Variants in NEK4 observed in about 807,000 individuals in gnomAD.
The protein encoded by NEK4 is NIMA related kinase 4, also known as serine/threonine-protein kinase Nek4.
NEK4 carries 86 observed loss-of-function variants against 98.4 expected under a neutral mutation model. The observed-to-expected ratio is 0.87, with a 90% CI of 0.73 to 1.05. The LOEUF is 1.05. Ranked by LOEUF, NEK4 falls within the 50% of genes least tolerant of loss-of-function variation. The pLI is 0.00. For synonymous variants in NEK4, 328 were observed against 342.2 expected (o/e 0.96, Z 0.46); for missense variants, 898 against 950.3 (o/e 0.94, Z 0.72).
chr3:52,712,840 T>G (rs533580244), intron 15 of NEK4, among the ~76,000 whole-genome samples: 32 of 152,296 alleles, frequency 2.1e-4, no homozygotes, highest in South Asian at 1.0e-3. Flanking sequence ...TGCTTGTGTC[T>G]TCTTCTGCTA....
At chr3:52,759,281 G>A (rs1698258491) in intron 6 of NEK4, among the ~76,000 whole-genome samples, 1 of 151,778 alleles carries the variant, frequency 6.6e-6, no homozygotes, top group Non-Finnish European at 1.5e-5. Context: ...GCATGCTGTG[G>A]TCCCAGCTAC....
intron 6 of NEK4, among the ~76,000 whole-genome samples, chr3:52,757,513 G>A (rs984288276): frequency 9.3e-5 from 14 of 150,262 alleles, no homozygotes; most frequent in Non-Finnish European, 2.1e-4. Flanking sequence ...AGCCACGATT[G>A]TGCCACTGCG....
At chr3:52,730,608 C>T (rs10780035) in intron 15 of NEK4, among the ~76,000 whole-genome samples, 51,507 of 151,962 alleles carry the variant, frequency 0.34, 9,735 homozygotes, top group Admixed American at 0.46. Flanking sequence ...TATTTTTTCA[C>T]GTAGTGTCCT....
chr3:52,761,973 T>C (rs991718781), intron 5 of NEK4, among the ~76,000 whole-genome samples: 2 of 152,214 alleles, frequency 1.3e-5, no homozygotes, highest in South Asian at 2.1e-4. Context: ...AAGAGGAGCA[T>C]GGAGATCAGT....
At position 52,734,882 on chromosome 3, in the gene NEK4, A is replaced by G. The variant is rs141368627; in HGVS notation, c.2433+2704T>C. 2.5e-3 allele frequency: 647 copies of G among 259,516 alleles called. 3 individuals are homozygous for G. Among genetic ancestry groups the G allele is most frequent in the Non-Finnish European group, 4.1e-3 (542 of 132,848 alleles). The allele number at this position is 259,516 out of a possible 1,614,324, so 16.1% of individuals were successfully genotyped here. A position where few individuals can be genotyped will look rare whatever the true frequency, so the allele number is the denominator to read the frequency against. ...CAAGAGACTAAAGGCTTGTGAACTGAAACAAAGCCAGTCTTAGAATATTAC... is the reference window on the plus strand; with the variant it reads ...CAAGAGACTAAAGGCTTGTGAACTGGAACAAAGCCAGTCTTAGAATATTAC... On this transcript the variant is annotated intron_variant, in intron 15 of 15. Transcript: ENST00000233027.
At chr3:52,748,589 T>C (rs758214661) in intron 8 of NEK4, among the ~76,000 whole-genome samples, 5 of 152,226 alleles carry the variant, frequency 3.3e-5, no homozygotes, top group African/African-American at 7.2e-5. Flanking sequence ...ATCAGTTATT[T>C]GGATGTACCC....
chr3:52,770,604 G>C (rs1300846495), intron 1 of NEK4, 50 bp downstream of exon 1: 5 of 1,435,850 alleles, frequency 3.5e-6, no homozygotes, highest in Admixed American at 2.0e-5. Flanking sequence ...CGGCGCCCTC[G>C]GCGCACTTCT....
intron 6 of NEK4, among the ~76,000 whole-genome samples, chr3:52,755,895 C>T (rs1390662053): frequency 6.6e-6 from 1 of 151,966 alleles, no homozygotes; most frequent in Non-Finnish European, 1.5e-5. Context: ...TATACACTAA[C>T]AATAAACAAT....
Position 52,710,049 on chromosome 3 carries a change from A to G in NEK4, c.*1728T>C, listed in dbSNP as rs1226152379. The G allele has an allele frequency of 6.6e-6, 1 of 152,238 alleles. No homozygotes were observed. The highest frequency in any genetic ancestry group is 1.5e-5 in the Non-Finnish European group (1 of 68,086). 9.4% of individuals were successfully genotyped at this position (152,238 alleles called of 1,614,324 possible). On this transcript the variant is annotated 3_prime_UTR_variant, in exon 16 of 16. Coordinates refer to ENST00000233027, the MANE Select transcript of NEK4 (RefSeq NM_003157.6). ...CAGCTCCTGGCAGAGAACCTGGCAC[A>G]CAGTAAACTCTAAATAAAAATCTGT...
Position 52,744,309 on chromosome 3 carries a change from T to G in NEK4, c.1828-4A>C, listed in dbSNP as rs758175605. 6.2e-7 allele frequency: 1 copy of G among 1,611,296 alleles called. No homozygotes were observed. The highest frequency in any genetic ancestry group is 8.5e-7 in the Non-Finnish European group (1 of 1,177,464). On this transcript the variant is annotated splice_region_variant and splice_polypyrimidine_tract_variant and intron_variant, in intron 10 of 15. Coordinates refer to ENST00000233027, the MANE Select transcript of NEK4 (RefSeq NM_003157.6). ...CTCTGGCTGATAATGGTCGATCCTT[T>G]AAAAGAAAGTCACAGAGTCACTTCC...
chr3:52,729,940 T>G (rs2097368035), intron 15 of NEK4, among the ~76,000 whole-genome samples: 2 of 151,608 alleles, frequency 1.3e-5, no homozygotes, highest in South Asian at 4.2e-4. Context: ...AAACCCCATC[T>G]CTACTAAAAA....
chr3:52,733,713 G>T, intron 15 of NEK4: 1 of 444,018 alleles, frequency 2.3e-6, no homozygotes. Flanking sequence ...AAGGTCTTCG[G>T]ACACAAGTTA....
chr3:52,754,609 T>A lies in NEK4; in HGVS notation c.964-2273A>T, dbSNP rs1361187357. 4.3e-6 allele frequency: 4 copies of A among 935,536 alleles called. No individual in the cohort carries two copies. The African/African-American group carries it at 6.5e-5, about 15-fold the overall frequency. 58.0% of individuals were successfully genotyped at this position (935,536 alleles called of 1,614,324 possible). ...CAGAAAAGCCTGAAGAACAGCACAA[T>A]AAGTGTACGTGTCGCCGGCCTGTCA... On this transcript the variant is annotated intron_variant, in intron 6 of 15. Coordinates refer to ENST00000233027, the MANE Select transcript of NEK4 (RefSeq NM_003157.6).
At chr3:52,750,826 G>A (rs1293818494) in intron 7 of NEK4, among the ~76,000 whole-genome samples, 1 of 152,108 alleles carries the variant, frequency 6.6e-6, no homozygotes, top group Non-Finnish European at 1.5e-5. Flanking sequence ...AGCTACTCAG[G>A]AGGCTGAGGC....
chr3:52,751,854 C>A lies in NEK4; in HGVS notation c.1368+78G>T, dbSNP rs1029088033. 17 of 1,355,528 alleles carry A rather than the reference C, an allele frequency of 1.3e-5. No homozygotes were observed. In the African/African-American group the frequency reaches 2.3e-4, roughly 19 times the overall value. The allele number at this position is 1,355,528 out of a possible 1,614,324, so 84.0% of individuals were successfully genotyped here. The stretch of plus-strand genomic sequence containing the variant: ...AGAATTACTGATTTTCCTAAAATGA[C>A]AACAGAACCCACATATTTGTAACTG... On this transcript the variant is annotated intron_variant, in intron 7 of 15. Transcript: ENST00000233027.
In NEK4 at chr3:52,709,204, T is replaced by C. The variant is rs2097347844; in HGVS notation, c.*2573A>G. Reference sequence around the variant, plus strand: ...CTCAAAAAAAAAAAAAAAAGAATGATTGACATTTTAGAACCAATGCCAAAA... The same window carrying C: ...CTCAAAAAAAAAAAAAAAAGAATGACTGACATTTTAGAACCAATGCCAAAA... On this transcript the variant is annotated 3_prime_UTR_variant, in exon 16 of 16. Coordinates refer to ENST00000233027, the MANE Select transcript of NEK4 (RefSeq NM_003157.6). 1.3e-5 allele frequency: 2 copies of C among 148,654 alleles called. No homozygotes were observed. The highest frequency in any genetic ancestry group is 2.0e-4 in the East Asian group (1 of 5,054). 9.2% of individuals were successfully genotyped at this position (148,654 alleles called of 1,614,324 possible). A position where few individuals can be genotyped will look rare whatever the true frequency, so the allele number is the denominator to read the frequency against.
At chr3:52,753,909 C>G (rs549170594) in intron 6 of NEK4, 135 of 338,954 alleles carry the variant, frequency 4.0e-4, no homozygotes, top group African/African-American at 2.6e-3. Flanking sequence ...GTGGCTCACA[C>G]CTATAATCCC....
At chr3:52,770,443 AG>A (rs2154107544) in intron 1 of NEK4, among the ~76,000 whole-genome samples, 1 of 151,238 alleles carries the variant, frequency 6.6e-6, no homozygotes, top group South Asian at 2.1e-4. Flanking sequence ...GAAAATTAAA[AG>A]GAAAAAAATT....
intron 15 of NEK4, among the ~76,000 whole-genome samples, chr3:52,720,492 A>G (rs1221560190): frequency 6.6e-6 from 1 of 152,218 alleles, no homozygotes; most frequent in Non-Finnish European, 1.5e-5. Context: ...TAAAGTGCTG[A>G]AAGTCAAAAA....
Sources: gnomAD v4.1 joint callset for allele counts (sites outside exome capture counted in the v4.1 genomes callset) on GRCh38, gnomAD v4.1.1 for gene constraint, MANE v1.5 for transcripts, NCBI Gene and HGNC (gene_info 2026-07-23, HGNC 2026-07-21) for gene names.